The following PTCH2 variants were observed in gnomAD, a reference collection of about 807,000 sequenced individuals.
The protein encoded by PTCH2 is patched 2.
Under a neutral mutation model 117.9 loss-of-function variants are expected in PTCH2, and 96 were observed. The ratio of observed to expected loss-of-function variants is 0.81; its 90% CI spans 0.69 to 0.96. PTCH2 has a LOEUF of 0.96. PTCH2 is among the 50% of genes least tolerant of loss of function. The probability of loss-of-function intolerance (pLI) is 0.00; values close to 1 mark genes in which losing one functional copy is unlikely to be tolerated. For missense variants in PTCH2, 1,379 were observed against 1,562.5 expected (o/e 0.88, Z 1.98); for synonymous variants, 615 against 660.9 (o/e 0.93, Z 1.06).
Position 44,823,429 on chromosome 1 carries a change from T to C in PTCH2, c.3115-44A>G, listed in dbSNP as rs1653002729. ...CCTGGAGCTGCTCCTCTGCCAGTCA[T>C]GGCCAGCTCAGCCATGTCCCGAGCT... On this transcript the variant is annotated intron_variant, in intron 19 of 21. Transcript: ENST00000372192. The surrounding 1 kb of genome is among the most constrained non-coding windows in gnomAD (Gnocchi z 5.1). 6.2e-7 allele frequency: 1 copy of C among 1,613,850 alleles called. No homozygotes were observed. The highest frequency in any genetic ancestry group is 8.5e-7 in the Non-Finnish European group (1 of 1,179,948).
In PTCH2 at chr1:44,826,121, C is replaced by T; in HGVS notation, c.3114+129G>A. 1 of 1,291,180 alleles carries T rather than the reference C, an allele frequency of 7.7e-7. No homozygotes were observed. Among genetic ancestry groups the T allele is most frequent in the Non-Finnish European group, 1.1e-6 (1 of 922,560 alleles). The allele number at this position is 1,291,180 out of a possible 1,614,324, so 80.0% of individuals were successfully genotyped here. A position where few individuals can be genotyped will look rare whatever the true frequency, so the allele number is the denominator to read the frequency against. ...TCGGCCTCCCAAAGTGCTGGGATTACAGGAATGAGCTACCACGTCCACCCA... is the reference window on the plus strand; with the variant it reads ...TCGGCCTCCCAAAGTGCTGGGATTATAGGAATGAGCTACCACGTCCACCCA... On this transcript the variant is annotated intron_variant, in intron 19 of 21. Coordinates refer to ENST00000372192, the MANE Select transcript of PTCH2 (RefSeq NM_003738.5). This position sits in a 1 kb window ranked among gnomAD's most constrained non-coding sequence, Gnocchi z 5.1.
rs1653164731 is a variant in PTCH2 at position 44,826,738 on chromosome 1, T to C, written c.2726A>G (p.Gln909Arg). The C allele has an allele frequency of 6.3e-7, 1 of 1,594,936 alleles. No homozygotes were observed. Among genetic ancestry groups the C allele is most frequent in the African/African-American group, 1.3e-5 (1 of 74,374 alleles). ...GAGGCCACGCAGCAGGAAGGGGAAC[T>C]GGGCAAACTCCAAGGGCTGAGCTGG... ...IPPAQPLEFAQFPFLLRGLQK... is the reference protein window; with the variant it reads ...IPPAQPLEFARFPFLLRGLQK... The change falls in exon 18 of 22, where the codon CAG becomes CGG. Residue 909 changes from glutamine to arginine, a missense_variant. Gln to Arg is a conservative substitution (Grantham distance 43, BLOSUM62 1). Coordinates refer to ENST00000372192, the MANE Select transcript of PTCH2 (RefSeq NM_003738.5). This position sits in a 1 kb window ranked among gnomAD's most constrained non-coding sequence, Gnocchi z 5.1.
At position 44,828,324 on chromosome 1, in the gene PTCH2, G is replaced by C. The variant is rs780531715; in HGVS notation, c.1681C>G (p.Arg561Gly). The change falls in exon 13 of 22, where the codon CGC becomes GGC. Residue 561 changes from arginine to glycine, a missense_variant. Arg to Gly is a moderately radical substitution (Grantham distance 125). Transcript: ENST00000372192. ...GAGAAGCAGCAGAGCACATCAAGGC[G>C]CTGGCAGTGGCGCCGCCGTAGGTCC... ...SLDLRRRHCQ[R>G]LDVLCCFSSP... The C allele has an allele frequency of 6.2e-7, 1 of 1,614,008 alleles. No homozygotes were observed. Among genetic ancestry groups the C allele is most frequent in the Middle Eastern group, 1.7e-4 (1 of 6,056 alleles).
At chr1:44,825,417 C>T (rs1653097881) in intron 19 of PTCH2, among the ~76,000 whole-genome samples, 1 of 152,138 alleles carries the variant, frequency 6.6e-6, no homozygotes, top group Admixed American at 6.5e-5. Flanking sequence ...GGATTACAGG[C>T]GTAAGCCACC....
intron 2 of PTCH2, among the ~76,000 whole-genome samples, chr1:44,838,455 G>C (rs778127214): frequency 6.6e-6 from 1 of 152,162 alleles, no homozygotes; most frequent in Non-Finnish European, 1.5e-5. Flanking sequence ...TGGTCAGGCT[G>C]GTCTCAAACT....
At chr1:44,841,776 C>T (rs971604265) in intron 2 of PTCH2, 71 bp downstream of exon 2, 246 of 1,561,792 alleles carry the variant, frequency 1.6e-4, no homozygotes, top group Non-Finnish European at 2.1e-4. Flanking sequence ...AGCTCAGTAG[C>T]CAGCTCCTCA....
intron 2 of PTCH2, among the ~76,000 whole-genome samples, chr1:44,840,929 T>A (rs1049170068): frequency 7.3e-5 from 11 of 149,746 alleles, no homozygotes; most frequent in Non-Finnish European, 1.5e-4. Flanking sequence ...CTGGGTGTGG[T>A]GGCGCACGCC....
chr1:44,831,171 G>C lies in PTCH2; in HGVS notation c.618-128C>G. On this transcript the variant is annotated intron_variant, in intron 5 of 21. Coordinates refer to ENST00000372192, the MANE Select transcript of PTCH2 (RefSeq NM_003738.5). The surrounding 1 kb of genome is among the most constrained non-coding windows in gnomAD (Gnocchi z 4.3). ...ATTTGTCCTTCCATATGGAGGGTGTGCAAGCCTCAGCTTCTCAGAACTGCC... is the reference window on the plus strand; with the variant it reads ...ATTTGTCCTTCCATATGGAGGGTGTCCAAGCCTCAGCTTCTCAGAACTGCC... The C allele has an allele frequency of 1.0e-6, 1 of 954,148 alleles. No homozygotes were observed. Among genetic ancestry groups the C allele is most frequent in the Non-Finnish European group, 1.6e-6 (1 of 640,272 alleles). The allele number at this position is 954,148 out of a possible 1,614,324, so 59.1% of individuals were successfully genotyped here. A position where few individuals can be genotyped will look rare whatever the true frequency, so the allele number is the denominator to read the frequency against.
chr1:44,841,194 A>AC (rs59372477), intron 2 of PTCH2, among the ~76,000 whole-genome samples: 26,145 of 143,146 alleles, frequency 0.18, 2,553 homozygotes, highest in African/African-American at 0.19. Flanking sequence ...CAAAAAAACA[A>AC]CCCCCCCCAA....
At position 44,841,906 on chromosome 1, in the gene PTCH2, A is replaced by G. The variant is rs1354128094; in HGVS notation, c.206T>C (p.Leu69Pro). Residue 69 changes from leucine (L) to proline (P), a missense_variant, in exon 2 of 22, where the codon CTG becomes CCG. Physicochemically the swap from Leu to Pro is moderately conservative, Grantham distance 98. Coordinates refer to ENST00000372192, the MANE Select transcript of PTCH2 (RefSeq NM_003738.5). ...LFLGLLAFGA[L>P]ALGLRMAIIE... ...AATGGCCATGCGGAGACCTAATGCC[A>G]GGGCCCCAAAGGCCAACAGTCCCAG... 2 of 1,614,114 alleles carry G rather than the reference A, an allele frequency of 1.2e-6. No homozygotes were observed. The highest frequency in any genetic ancestry group is 1.6e-4 in the Middle Eastern group (1 of 6,084).
Position 44,825,287 on chromosome 1 carries a change from A to AC in PTCH2, c.3114+962dup, listed in dbSNP as rs555820931. 1.7e-4 allele frequency among the ~76,000 whole-genome samples: 26 copies of AC among 149,108 alleles called. 1 individual carries two copies. The South Asian group carries it at 4.9e-3, about 28-fold the overall frequency. Reference sequence around the variant, plus strand: ...CAAGTAGCTGGGATTACAGGCATGCACCCCCACACCCAGCTAATTTTCATA... The same window carrying AC: ...CAAGTAGCTGGGATTACAGGCATGCACCCCCCACACCCAGCTAATTTTCATA... On this transcript the variant is annotated intron_variant, in intron 19 of 21. Coordinates refer to ENST00000372192, the MANE Select transcript of PTCH2 (RefSeq NM_003738.5).
intron 10 of PTCH2, 27 bp from the exon 11 acceptor site, chr1:44,829,101 G>A (rs1653302407): frequency 1.2e-6 from 2 of 1,613,544 alleles, no homozygotes; most frequent in Non-Finnish European, 1.7e-6. Context: ...GCGGGCAGCT[G>A]AGGACCCGTG....
At chr1:44,829,844 C>A in intron 7 of PTCH2, 65 bp downstream of exon 7, 1 of 1,613,722 alleles carries the variant, frequency 6.2e-7, no homozygotes, top group East Asian at 2.2e-5. Flanking sequence ...GCCAGAGCTG[C>A]CTGGCATTAC....
intron 19 of PTCH2, among the ~76,000 whole-genome samples, chr1:44,824,202 C>T: frequency 6.6e-6 from 1 of 152,232 alleles, no homozygotes; most frequent in East Asian, 1.9e-4. Flanking sequence ...ACAGTTACTT[C>T]TCAGAGTAGC....
At chr1:44,834,475 C>A (rs1399173279) in intron 2 of PTCH2, among the ~76,000 whole-genome samples, 2 of 152,116 alleles carry the variant, frequency 1.3e-5, no homozygotes, top group African/African-American at 4.8e-5. Context: ...GCCTGTACTG[C>A]AGTGTTTATT....
rs1653485554 is a variant in PTCH2, at chr1:44,832,156, CAT to C, written c.449_450del (p.Tyr150TrpfsTer19). 1.2e-6 allele frequency: 2 copies of C among 1,614,182 alleles called. No homozygotes were observed. Among genetic ancestry groups the C allele is most frequent in the East Asian group, 4.5e-5 (2 of 44,882 alleles). On this transcript the variant is annotated frameshift_variant, in exon 3 of 22. Transcript: ENST00000372192. LOFTEE classifies it high-confidence loss of function. ...CAGGGGCTCAGCCAGACTCACTTCC[CAT>C]AGAGTGATACTTGGACTTTACTGGC... ...LTASKVQVSL[Y>X]GKSWDLNKIC...
rs752363531 is a variant in PTCH2, at chr1:44,826,350, C to T, written c.3014G>A (p.Gly1005Asp). The change falls in exon 19 of 22, where the codon GGT becomes GAT. Residue 1005 changes from glycine (G) to aspartate (D), a missense_variant. Coordinates refer to ENST00000372192, the MANE Select transcript of PTCH2 (RefSeq NM_003738.5). The surrounding 1 kb of genome is among the most constrained non-coding windows in gnomAD (Gnocchi z 5.1). ...CTTGATGCCCAGGAAACCCATGATA[C>T]CAAAGAGTTCCACTGTCATCATCGC... Reference protein sequence around the residue: ...VLAMMTVELFGIMGFLGIKLS... With the variant: ...VLAMMTVELFDIMGFLGIKLS... The T allele has an allele frequency of 6.2e-6, 10 of 1,614,096 alleles. No homozygotes were observed. The South Asian group carries it at 7.7e-5, about 12-fold the overall frequency.
At chr1:44,836,239 G>T (rs1418658315) in intron 2 of PTCH2, among the ~76,000 whole-genome samples, 1 of 152,226 alleles carries the variant, frequency 6.6e-6, no homozygotes, top group Non-Finnish European at 1.5e-5. Flanking sequence ...TTCGGCATAG[G>T]ATGCTACATA....
chr1:44,824,707 C>T (rs1428504419), intron 19 of PTCH2, among the ~76,000 whole-genome samples: 1 of 152,148 alleles, frequency 6.6e-6, no homozygotes, highest in African/African-American at 2.4e-5. Flanking sequence ...GAGTCTTGCT[C>T]TGTTGCCCAG....
Sources: gnomAD v4.1 joint callset for allele counts (sites outside exome capture counted in the v4.1 genomes callset) on GRCh38, gnomAD v4.1.1 for gene constraint, Gnocchi (gnomAD v3.1) non-coding constraint, MANE v1.5 for transcripts, NCBI Gene and HGNC (gene_info 2026-07-23, HGNC 2026-07-21) for gene names.